The following LRPAP1 variants were observed in gnomAD, a reference collection of about 807,000 sequenced individuals.
The protein encoded by LRPAP1 is LDL receptor related protein associated protein 1, also known as alpha-2-macroglobulin receptor-associated protein.
Under a neutral mutation model 39.9 loss-of-function variants are expected in LRPAP1, and 41 were observed. That is an observed-to-expected ratio of 1.03 (90% confidence interval 0.80 to 1.33). LRPAP1 has a LOEUF of 1.33. Ranked by LOEUF, LRPAP1 falls within the 40% of genes most tolerant of loss-of-function variation. The pLI, the probability that LRPAP1 is intolerant of heterozygous loss-of-function variation, is 0.00. For missense variants in LRPAP1, 565 were observed against 482.3 expected, an observed-to-expected ratio of 1.17 and a Z score of -1.61; for synonymous variants, 263 against 212.7, an observed-to-expected ratio of 1.24 and a Z score of -2.06.
At chr4:3,520,903 G>C (rs1217353614) in intron 2 of LRPAP1, among the ~76,000 whole-genome samples, 1 of 152,248 alleles carries the variant, frequency 6.6e-6, no homozygotes, top group Non-Finnish European at 1.5e-5. Context: ...TCTGTGGGCT[G>C]TGTCTGTCAC....
chr4:3,515,943 C>G, intron 6 of LRPAP1, 173 bp downstream of exon 6: 1 of 650,952 alleles, frequency 1.5e-6, no homozygotes, highest in Non-Finnish European at 2.7e-6. Context: ...AACACGAGTT[C>G]CCACGCAGAT....
rs376204954 is a variant in LRPAP1, at chr4:3,519,047, C to T, written c.472-56G>A. On this transcript the variant is annotated intron_variant, in intron 3 of 7. Transcript: ENST00000650182. ...CGCCGCGGGCTCGTGTGGCCAGGGC[C>T]GCTCTTCAGCCAACCACTCCTCATG... The T allele has an allele frequency of 9.1e-5, 145 of 1,587,862 alleles. No individual in the cohort carries two copies. In the Admixed American group the frequency reaches 1.9e-3, roughly 21 times the overall value.
At chr4:3,524,171 G>A (rs1399159262) in intron 2 of LRPAP1, among the ~76,000 whole-genome samples, 3 of 152,208 alleles carry the variant, frequency 2.0e-5, no homozygotes, top group South Asian at 2.1e-4. Context: ...CGACGGGCCC[G>A]TGGTGAGGGA....
intron 1 of LRPAP1, among the ~76,000 whole-genome samples, chr4:3,527,875 G>C (rs1730126651): frequency 6.6e-6 from 1 of 152,226 alleles, no homozygotes; most frequent in Non-Finnish European, 1.5e-5. Context: ...GGAGAATCAA[G>C]GGCAGGTGCT....
intron 2 of LRPAP1, among the ~76,000 whole-genome samples, chr4:3,521,366 C>A (rs1289666800): frequency 6.6e-6 from 1 of 152,198 alleles, no homozygotes; most frequent in Non-Finnish European, 1.5e-5. Flanking sequence ...TCCCGGACCC[C>A]AGCGCCTCCT....
At chr4:3,515,008 A>G in intron 6 of LRPAP1, 80 bp from the exon 7 acceptor site, 1 of 1,499,494 alleles carries the variant, frequency 6.7e-7, no homozygotes, top group Non-Finnish European at 9.1e-7. Context: ...AACTGCAAGG[A>G]CGCCAAAGGA....
At chr4:3,520,475 C>T (rs1403592688) in intron 2 of LRPAP1, among the ~76,000 whole-genome samples, 1 of 152,226 alleles carries the variant, frequency 6.6e-6, no homozygotes. Flanking sequence ...CTGGAGTCCT[C>T]CATCAAGCTG....
chr4:3,522,574 TCCCTGCCTGGGGAAGTCGGACGCCGC>T (rs1466747535), intron 2 of LRPAP1, among the ~76,000 whole-genome samples: 54,306 of 89,618 alleles, frequency 0.61, 17,919 homozygotes, highest in East Asian at 0.85. Flanking sequence ...CACCCCACAC[TCCCTGCCTGGGGAAGTCGGACGCCGC>T]CCCACACCCC....
chr4:3,514,803 G>C lies in LRPAP1; in HGVS notation c.960C>G (p.Ser320Arg). ...CCTCCAGCAGGGCGTGCTTCTCGCG[G>C]CTGCGGCTCACACGCTCGCCGTCGC... ...SVGDGERVSR[S>R]REKHALLEGR... The change falls in exon 7 of 8, where the codon AGC (serine) becomes AGG (arginine). Residue 320 changes from serine to arginine, a missense_variant. By Grantham distance (110) the Ser-to-Arg change is moderately radical. Coordinates refer to ENST00000650182, the MANE Select transcript of LRPAP1 (RefSeq NM_002337.4). 6.2e-7 allele frequency: 1 copy of C among 1,613,106 alleles called. No individual in the cohort carries two copies. Among genetic ancestry groups the C allele is most frequent in the Non-Finnish European group, 8.5e-7 (1 of 1,179,828 alleles).
chr4:3,527,061 T>C (rs1206369008), intron 1 of LRPAP1, among the ~76,000 whole-genome samples: 1 of 152,176 alleles, frequency 6.6e-6, no homozygotes. Context: ...TAACCCTTAG[T>C]GGGTGGTCCC....
chr4:3,524,885 A>T (rs777102636), intron 2 of LRPAP1, 22 bp downstream of exon 2: 3 of 1,612,076 alleles, frequency 1.9e-6, no homozygotes, highest in Non-Finnish European at 2.5e-6. Flanking sequence ...CTCGACCTGC[A>T]TTAGGAAAGA....
chr4:3,532,206 C>G lies in LRPAP1; in HGVS notation c.204+3G>C, dbSNP rs1403558300. 6.5e-7 allele frequency: 1 copy of G among 1,549,308 alleles called. No homozygotes were observed. Among genetic ancestry groups the G allele is most frequent in the Non-Finnish European group, 8.7e-7 (1 of 1,146,186 alleles). On this transcript the variant is annotated splice_donor_region_variant and intron_variant, in intron 1 of 7. Transcript: ENST00000650182. ...CGCTCCACCGACCGCGGGCCGCGCT[C>G]ACTCGCTGGGCCTTCTCCCACAGCT...
chr4:3,518,375 C>CGAGACAGGT (rs1301294847), intron 4 of LRPAP1, among the ~76,000 whole-genome samples, 183 bp from the exon 5 acceptor site: 16 of 152,216 alleles, frequency 1.1e-4, no homozygotes, highest in African/African-American at 3.1e-4. Context: ...CCTTTCCAGG[C>CGAGACAGGT]GAGACAGGCG....
intron 3 of LRPAP1, 82 bp downstream of exon 3, chr4:3,519,990 G>C: frequency 8.4e-6 from 13 of 1,545,750 alleles, no homozygotes; most frequent in Non-Finnish European, 1.1e-5. Context: ...ATGCAGAGCA[G>C]AGACTGCCCC....
Position 3,524,953 on chromosome 4 carries a change from C to T in LRPAP1, c.303G>A (p.Leu101=), listed in dbSNP as rs775922611. Residue 101 remains leucine (L), a synonymous_variant, in exon 2 of 8, where the codon TTG becomes TTA. Transcript: ENST00000650182. ...TCGCTTCCTTCTCCCCATCTTCGTCCAAGCCGTCAAGCTTTAGTTTCTTCC... is the reference window on the plus strand; with the variant it reads ...TCGCTTCCTTCTCCCCATCTTCGTCTAAGCCGTCAAGCTTTAGTTTCTTCC... The part of the protein sequence containing the change: ...LAWKKLKLDG[L]DEDGEKEARL... 8 of 1,614,062 alleles carry T rather than the reference C, an allele frequency of 5.0e-6. No individual in the cohort carries two copies. Among genetic ancestry groups the T allele is most frequent in the Admixed American group, 3.3e-5 (2 of 59,998 alleles).
intron 1 of LRPAP1, among the ~76,000 whole-genome samples, chr4:3,531,645 G>A (rs527723669): frequency 6.6e-6 from 1 of 152,148 alleles, no homozygotes; most frequent in Admixed American, 6.5e-5. Flanking sequence ...TCAAATGAAG[G>A]AGAGGTCAGG....
chr4:3,512,721 T>A lies in LRPAP1; in HGVS notation c.*253A>T, dbSNP rs1346953216. 3.8e-6 allele frequency: 2 copies of A among 524,862 alleles called. No homozygotes were observed. Among genetic ancestry groups the A allele is most frequent in the Non-Finnish European group, 6.8e-6 (2 of 294,702 alleles). The allele number at this position is 524,862 out of a possible 1,614,324, so 32.5% of individuals were successfully genotyped here. ...TCGAGGTCCTCACTGGGGTGGTGAC[T>A]GCCACGCTGATGCTGAGTGGAAGCC... On this transcript the variant is annotated 3_prime_UTR_variant, in exon 8 of 8. Transcript: ENST00000650182.
At position 3,511,207 on chromosome 4, in the gene LRPAP1, G is replaced by C. The variant is rs533256445; in HGVS notation, c.*1767C>G. On this transcript the variant is annotated 3_prime_UTR_variant, in exon 8 of 8. Coordinates refer to ENST00000650182, the MANE Select transcript of LRPAP1 (RefSeq NM_002337.4). ...TATACTTGGACAACACGCTTCGTAA[G>C]ATCCATTAGGTGCTCCTAGAGTTGG... The C allele has an allele frequency of 6.6e-6, 1 of 152,460 alleles. No homozygotes were observed. The highest frequency in any genetic ancestry group is 1.9e-4 in the East Asian group (1 of 5,190). 9.4% of individuals were successfully genotyped at this position (152,460 alleles called of 1,614,324 possible).
rs1207026544 is a variant in LRPAP1, at chr4:3,512,183, A to T, written c.*791T>A. ...GCCGGACCTGAGCAACCGCCAGTCC[A>T]TCAGCTATGGTCAGAGGAAGGCCTC... On this transcript the variant is annotated 3_prime_UTR_variant, in exon 8 of 8. Coordinates refer to ENST00000650182, the MANE Select transcript of LRPAP1 (RefSeq NM_002337.4). 11 of 152,442 alleles carry T rather than the reference A, an allele frequency of 7.2e-5. No homozygotes were observed. The highest frequency in any genetic ancestry group is 1.2e-4 in the Non-Finnish European group (8 of 68,192). The allele number at this position is 152,442 out of a possible 1,614,324, so 9.4% of individuals were successfully genotyped here.
Sources: allele counts gnomAD v4.1 joint callset (sites outside exome capture counted in the v4.1 genomes callset), GRCh38; gene constraint gnomAD v4.1.1; transcripts MANE v1.5; gene names NCBI Gene and HGNC (gene_info 2026-07-23, HGNC 2026-07-21).